PRKCB: variants seen among roughly 807,000 people sequenced by gnomAD.
PRKCB encodes protein kinase C beta type.
A neutral mutation model predicts 81.5 loss-of-function variants in PRKCB; 13 were observed. The observed-to-expected ratio is 0.16, with a 90% CI of 0.10 to 0.25. PRKCB has a LOEUF of 0.25. Ranked by LOEUF, PRKCB falls within the 10% of genes least tolerant of loss-of-function variation. PRKCB has a pLI of 1.00. For synonymous variants in PRKCB, 335 were observed against 321.4 expected, an observed-to-expected ratio of 1.04 and a Z score of -0.45; for missense variants, 509 against 875.7, an observed-to-expected ratio of 0.58 and a Z score of 5.29.
intron 3 of PRKCB, among the ~76,000 whole-genome samples, chr16:23,996,850 C>T (rs1348600080): frequency 6.6e-6 from 1 of 152,002 alleles, no homozygotes; most frequent in Non-Finnish European, 1.5e-5. Context: ...GGTAGCAATA[C>T]CTTGCATGCC....
rs754563290 is a variant in PRKCB, at chr16:24,123,881, C to T, written c.965C>T (p.Thr322Ile). ...ACCAAGGTCCCGGAAGAAAAGACGA[C>T]CAACACTGTCTCCAAATTTGACAAC... is the stretch of plus-strand genomic sequence containing the variant. ...QGTKVPEEKTTNTVSKFDNNG... is the reference protein window; with the variant it reads ...QGTKVPEEKTINTVSKFDNNG... Residue 322 changes from threonine to isoleucine, a missense_variant, in exon 9 of 17, where the codon ACC (threonine) becomes ATC (isoleucine). This residue lies in a region of PRKCB where 80 missense variants were observed against 89.4 expected (regional missense o/e 0.90). Transcript: ENST00000643927. The T allele has an allele frequency of 1.2e-5, 19 of 1,614,144 alleles. No individual in the cohort carries two copies. The East Asian group carries it at 3.8e-4, about 32-fold the overall frequency.
chr16:24,120,654 C>T (rs1387588990), intron 8 of PRKCB, among the ~76,000 whole-genome samples: 1 of 152,192 alleles, frequency 6.6e-6, no homozygotes, highest in Non-Finnish European at 1.5e-5. Flanking sequence ...CTCCCTTGCC[C>T]AATCTGCTAC....
At chr16:24,012,214 G>A (rs931206402) in intron 3 of PRKCB, among the ~76,000 whole-genome samples, 1 of 152,144 alleles carries the variant, frequency 6.6e-6, no homozygotes, top group African/African-American at 2.4e-5. Context: ...CATGTATGTA[G>A]CACCTATCAT....
chr16:23,952,078 T>C (rs574765849), intron 2 of PRKCB, among the ~76,000 whole-genome samples: 12 of 152,226 alleles, frequency 7.9e-5, no homozygotes, highest in Non-Finnish European at 1.5e-4. Context: ...ATGAGTTTTT[T>C]TTGTGTGTAA....
intron 15 of PRKCB, among the ~76,000 whole-genome samples, chr16:24,188,922 A>G (rs1197365855): frequency 6.6e-6 from 1 of 152,224 alleles, no homozygotes; most frequent in African/African-American, 2.4e-5. Context: ...AGCCTTTAGC[A>G]CGGAGCCTGA....
intron 12 of PRKCB, among the ~76,000 whole-genome samples, chr16:24,175,344 A>G (rs1039119124): frequency 6.6e-6 from 1 of 151,944 alleles, no homozygotes; most frequent in African/African-American, 2.4e-5. Flanking sequence ...TCTTCCATTC[A>G]TGTGTTTGAC....
At chr16:24,019,701 C>T (rs1965333855) in intron 3 of PRKCB, among the ~76,000 whole-genome samples, 1 of 151,496 alleles carries the variant, frequency 6.6e-6, no homozygotes, top group African/African-American at 2.4e-5. Flanking sequence ...GAGGTTGAGG[C>T]TGCAGTGAGC....
chr16:24,004,298 A>G lies in PRKCB; in HGVS notation c.288+15708A>G, dbSNP rs532415485. ...TGCTTAAAGCACAGGTTTTAAAAAT[A>G]AAAGGGACAAAAGTGTATCATGAAA... On this transcript the variant is annotated intron_variant, in intron 3 of 16. Transcript: ENST00000643927. Among the ~76,000 whole-genome samples, 13 of 152,248 alleles carry G rather than the reference A, an allele frequency of 8.5e-5. No individual in the cohort carries two copies. In the South Asian group the frequency reaches 2.7e-3, roughly 32 times the overall value.
intron 7 of PRKCB, among the ~76,000 whole-genome samples, chr16:24,100,401 T>G (rs1966490919): frequency 6.6e-6 from 1 of 152,186 alleles, no homozygotes; most frequent in African/African-American, 2.4e-5. Context: ...CTGAAGATCC[T>G]GGCCTGTTGC....
At chr16:23,899,100 G>A (rs1448448027) in intron 2 of PRKCB, among the ~76,000 whole-genome samples, 1 of 152,184 alleles carries the variant, frequency 6.6e-6, no homozygotes, top group Non-Finnish European at 1.5e-5. Flanking sequence ...CTATGTTGAG[G>A]TCACTCTTGG....
chr16:24,020,970 TTTTCTTTTTCTTTCTTTCTTTCTTTC>T lies in PRKCB; in HGVS notation c.289-11158_289-11133del, dbSNP rs1311821694. Among the ~76,000 whole-genome samples the T allele has an allele frequency of 3.5e-3, 423 of 120,508 alleles. 5 individuals carry two copies. Among genetic ancestry groups the T allele is most frequent in the African/African-American group, 4.6e-3 (147 of 31,676 alleles). 79.1% of individuals were successfully genotyped at this position (120,508 alleles called of 152,430 possible). On this transcript the variant is annotated intron_variant, in intron 3 of 16. Coordinates refer to ENST00000643927, the MANE Select transcript of PRKCB (RefSeq NM_002738.7). Reference sequence around the variant, plus strand: ...ACAGCCCATTCAGACTGAGAGAGACTTTTCTTTTTCTTTCTTTCTTTCTTTCTTTCTTTCTTTCTTTCTTTCTTTCT... The same window carrying T: ...ACAGCCCATTCAGACTGAGAGAGACTTTTCTTTCTTTCTTTCTTTCTTTCT...
At chr16:23,852,192 G>A (rs1374330104) in intron 2 of PRKCB, among the ~76,000 whole-genome samples, 2 of 152,172 alleles carry the variant, frequency 1.3e-5, no homozygotes, top group Admixed American at 1.3e-4. Flanking sequence ...CCTGATCTTA[G>A]AGGAAAGGCT....
At chr16:24,213,006 A>ATATTTATT (rs113357248) in intron 16 of PRKCB, among the ~76,000 whole-genome samples, 2,054 of 143,786 alleles carry the variant, frequency 0.014, 37 homozygotes, top group East Asian at 0.077. Flanking sequence ...CCGTACTTGT[A>ATATTTATT]TATTTATTTA....
In PRKCB at chr16:24,220,295, T is replaced by A; in HGVS notation, c.*5479T>A. 1 of 692,384 alleles carries A rather than the reference T, an allele frequency of 1.4e-6. No individual in the cohort carries two copies. 42.9% of individuals were successfully genotyped at this position (692,384 alleles called of 1,614,324 possible). ...TTTGTTTTCTACATTTGAAAATGTTTAGTTTAGAATAAGCGCATTATCCAA... is the reference window on the plus strand; with the variant it reads ...TTTGTTTTCTACATTTGAAAATGTTAAGTTTAGAATAAGCGCATTATCCAA... On this transcript the variant is annotated 3_prime_UTR_variant, in exon 17 of 17. Transcript: ENST00000643927.
chr16:24,035,477 G>T lies in PRKCB; in HGVS notation c.459G>T (p.Thr153=). 1 of 1,614,180 alleles carries T rather than the reference G, an allele frequency of 6.2e-7. No individual in the cohort carries two copies. The highest frequency in any genetic ancestry group is 8.5e-7 in the Non-Finnish European group (1 of 1,180,018). The change falls in exon 5 of 17, where the codon ACG becomes ACT. Residue 153 remains threonine, a synonymous_variant. Coordinates refer to ENST00000643927, the MANE Select transcript of PRKCB (RefSeq NM_002738.7). ...TGAATGTTCCCAGCCTGTGTGGCAC[G>T]GACCACACGGAGCGCCGCGGCCGCA... ...CVMNVPSLCG[T]DHTERRGRIY...
chr16:24,003,571 G>C (rs1005899038), intron 3 of PRKCB, among the ~76,000 whole-genome samples: 1 of 152,082 alleles, frequency 6.6e-6, no homozygotes, highest in Non-Finnish European at 1.5e-5. Flanking sequence ...TTTCAGTAGA[G>C]ATAAGGTTTC....
intron 2 of PRKCB, among the ~76,000 whole-genome samples, chr16:23,919,734 A>G (rs1332626912): frequency 2.6e-5 from 4 of 152,148 alleles, no homozygotes; most frequent in African/African-American, 9.7e-5. Flanking sequence ...TACTATAGGT[A>G]TCTCATATAA....
rs763428947 is a variant in PRKCB at position 24,185,443 on chromosome 16, C to T, written c.1615-17C>T. 1.2e-6 allele frequency: 2 copies of T among 1,607,104 alleles called. No homozygotes were observed. The highest frequency in any genetic ancestry group is 2.7e-5 in the African/African-American group (2 of 74,740). On this transcript the variant is annotated splice_polypyrimidine_tract_variant and intron_variant, in intron 14 of 16. Transcript: ENST00000643927. ...CAAGCAGGGATTCTTCTCCTCCCACCCTCCCCTGTCATACAGGCACCCTTT... is the reference window on the plus strand; with the variant it reads ...CAAGCAGGGATTCTTCTCCTCCCACTCTCCCCTGTCATACAGGCACCCTTT...
At chr16:24,110,731 G>A (rs117467859) in intron 7 of PRKCB, among the ~76,000 whole-genome samples, 6,743 of 151,982 alleles carry the variant, frequency 0.044, 168 homozygotes, top group Non-Finnish European at 0.06. Context: ...TGTTGCCCAG[G>A]CTGATCTTGG....
Sources: allele counts gnomAD v4.1 joint callset (sites outside exome capture counted in the v4.1 genomes callset), GRCh38; gene constraint gnomAD v4.1.1; regional missense constraint gnomAD v4.1.1; transcripts MANE v1.5; gene names NCBI Gene and HGNC (gene_info 2026-07-23, HGNC 2026-07-21).